RHOBTB3: variants seen among roughly 807,000 people sequenced by gnomAD.
RHOBTB3 encodes rho-related BTB domain-containing protein 3.
Under a neutral mutation model 67.2 loss-of-function variants are expected in RHOBTB3, and 47 were observed. The observed-to-expected ratio is 0.70, with a 90% CI of 0.55 to 0.89. RHOBTB3 has a LOEUF of 0.89. RHOBTB3 is among the 40% of genes least tolerant of loss of function. The probability of loss-of-function intolerance (pLI) is 0.00; values close to 1 mark genes in which losing one functional copy is unlikely to be tolerated. For missense variants in RHOBTB3, 631 were observed against 750.0 expected (o/e 0.84, Z 1.85); for synonymous variants, 273 against 274.2 (o/e 1.00, Z 0.04).
chr5:95,724,149 G>T (rs932334073), intron 1 of RHOBTB3, among the ~76,000 whole-genome samples: 1 of 152,162 alleles, frequency 6.6e-6, no homozygotes, highest in Non-Finnish European at 1.5e-5. Context: ...TATACTTCAT[G>T]ACACAGCAAT....
At chr5:95,743,929 G>T (rs1580400776) in intron 3 of RHOBTB3, among the ~76,000 whole-genome samples, 1 of 151,186 alleles carries the variant, frequency 6.6e-6, no homozygotes, top group Non-Finnish European at 1.5e-5. Flanking sequence ...GGCTGGTCTC[G>T]AACTCCTGAC....
At position 95,748,462 on chromosome 5, in the gene RHOBTB3, A is replaced by G. The variant is rs745767162; in HGVS notation, c.545A>G (p.Tyr182Cys). The change falls in exon 4 of 12, where the codon TAC becomes TGC. Residue 182 changes from tyrosine (Y) to cysteine (C), a missense_variant. Tyr to Cys is a radical substitution (Grantham distance 194). Transcript: ENST00000379982. ...YLELHSLDDF[Y>C]IGKYFGGVLE... is the part of the protein sequence containing the mutation. ...GAACTCCACAGCCTTGATGACTTCT[A>G]CATAGGAAAGTATTTTGGAGGAGTG... The G allele has an allele frequency of 3.1e-6, 5 of 1,611,736 alleles. No homozygotes were observed. The Admixed American group carries it at 6.7e-5, about 22-fold the overall frequency.
At chr5:95,787,805 A>G (rs556569495) in intron 10 of RHOBTB3, among the ~76,000 whole-genome samples, 18 of 152,352 alleles carry the variant, frequency 1.2e-4, no homozygotes, top group African/African-American at 3.8e-4. Flanking sequence ...AGTGAAATTC[A>G]TAGAGACAGA....
intron 8 of RHOBTB3, among the ~76,000 whole-genome samples, chr5:95,773,739 G>A (rs904131539): frequency 2.0e-5 from 3 of 152,232 alleles, no homozygotes; most frequent in Non-Finnish European, 2.9e-5. Flanking sequence ...TAGAAGTTGA[G>A]TGAATTCTTG....
intron 10 of RHOBTB3, among the ~76,000 whole-genome samples, chr5:95,786,926 A>T (rs564900016): frequency 6.6e-6 from 1 of 152,340 alleles, no homozygotes; most frequent in African/African-American, 2.4e-5. Flanking sequence ...CCAGGTCTGT[A>T]CATTAGCTAG....
chr5:95,780,994 C>G (rs998963743), intron 9 of RHOBTB3, among the ~76,000 whole-genome samples: 1 of 152,168 alleles, frequency 6.6e-6, no homozygotes, highest in Non-Finnish European at 1.5e-5. Context: ...GTTTAGAATA[C>G]CCAGTGGACT....
At chr5:95,750,955 C>G (rs1028338010) in intron 4 of RHOBTB3, among the ~76,000 whole-genome samples, 1 of 152,194 alleles carries the variant, frequency 6.6e-6, no homozygotes, top group African/African-American at 2.4e-5. Flanking sequence ...GCCTGCCAGG[C>G]TTTTATGATG....
At chr5:95,721,351 C>T (rs1262211437) in intron 1 of RHOBTB3, among the ~76,000 whole-genome samples, 1 of 152,116 alleles carries the variant, frequency 6.6e-6, no homozygotes, top group Non-Finnish European at 1.5e-5. Context: ...TGGAGAGTGT[C>T]CTTGTCCTAC....
At chr5:95,780,753 G>A (rs997490790) in intron 9 of RHOBTB3, among the ~76,000 whole-genome samples, 1 of 152,152 alleles carries the variant, frequency 6.6e-6, no homozygotes, top group African/African-American at 2.4e-5. Flanking sequence ...TCTAGAGATC[G>A]GGGCAGATTG....
At chr5:95,730,877 A>C (rs1237690495), upstream of RHOBTB3, 5 of 455,856 alleles carry the variant, frequency 1.1e-5, no homozygotes, top group East Asian at 2.8e-4. Context: ...ATGTTGACAA[A>C]TGAGAAAGCG....
chr5:95,780,562 G>A lies in RHOBTB3; in HGVS notation c.1456+137G>A, dbSNP rs1414042980. 4.1e-6 allele frequency: 3 copies of A among 737,948 alleles called. No homozygotes were observed. The African/African-American group carries it at 5.3e-5, about 13-fold the overall frequency. The allele number at this position is 737,948 out of a possible 1,614,324, so 45.7% of individuals were successfully genotyped here. Reference sequence around the variant, plus strand: ...TCACGGAATGTACTAAGCAATTAGAGGTGGTGCTGGAACAACAATGAATTT... The same window carrying A: ...TCACGGAATGTACTAAGCAATTAGAAGTGGTGCTGGAACAACAATGAATTT... On this transcript the variant is annotated intron_variant, in intron 9 of 11. Transcript: ENST00000379982.
In RHOBTB3 at chr5:95,731,852, C is replaced by T. The variant is rs2112767722; in HGVS notation, c.3-7C>T. 1.2e-6 allele frequency: 2 copies of T among 1,608,428 alleles called. No homozygotes were observed. The highest frequency in any genetic ancestry group is 2.2e-5 in the East Asian group (1 of 44,720). ...CCCTTCTCCCCTCGCCCCCTCTGTC[C>T]GTGCAGGTCCATCCACATCGTGGCG... On this transcript the variant is annotated splice_region_variant and splice_polypyrimidine_tract_variant and intron_variant, in intron 1 of 11. Transcript: ENST00000379982.
upstream of RHOBTB3, among the ~76,000 whole-genome samples, chr5:95,727,940 G>A (rs986705122): frequency 6.6e-6 from 1 of 152,186 alleles, no homozygotes; most frequent in Admixed American, 6.5e-5. Context: ...TCAAGGACTG[G>A]TTCCACACTG....
chr5:95,773,052 T>G (rs1324367639), intron 8 of RHOBTB3, among the ~76,000 whole-genome samples: 1 of 152,202 alleles, frequency 6.6e-6, no homozygotes, highest in Non-Finnish European at 1.5e-5. Context: ...ATAGGAGGCA[T>G]TGGTATCAAA....
chr5:95,766,792 C>T (rs1745557397), intron 7 of RHOBTB3, among the ~76,000 whole-genome samples: 1 of 152,100 alleles, frequency 6.6e-6, no homozygotes, highest in Non-Finnish European at 1.5e-5. Flanking sequence ...CCAGGCGCGA[C>T]AGGACAGACG....
chr5:95,779,345 A>G (rs1387710094), intron 8 of RHOBTB3, among the ~76,000 whole-genome samples: 1 of 152,058 alleles, frequency 6.6e-6, no homozygotes, highest in African/African-American at 2.4e-5. Flanking sequence ...TTCCAAATGC[A>G]ATGATTGGCA....
Position 95,748,432 on chromosome 5 carries a change from A to G in RHOBTB3, c.515A>G (p.Tyr172Cys). 3 of 1,613,728 alleles carry G rather than the reference A, an allele frequency of 1.9e-6. No homozygotes were observed. Among genetic ancestry groups the G allele is most frequent in the South Asian group, 2.2e-5 (2 of 91,054 alleles). Residue 172 changes from tyrosine to cysteine, a missense_variant, in exon 4 of 12, where the codon TAT (tyrosine) becomes TGT (cysteine). Transcript: ENST00000379982. ...IQLAKELGATYLELHSLDDFY... is the reference protein window; with the variant it reads ...IQLAKELGATCLELHSLDDFY... ...CTTGCAAAAGAACTAGGAGCGACCT[A>G]TCTTGAACTCCACAGCCTTGATGAC...
intron 8 of RHOBTB3, among the ~76,000 whole-genome samples, chr5:95,776,752 TG>T (rs1745895797): frequency 6.6e-6 from 1 of 152,206 alleles, no homozygotes; most frequent in African/African-American, 2.4e-5. Flanking sequence ...CTGGTTCTTT[TG>T]GTTTTTTGCC....
chr5:95,735,041 T>C (rs1755420120), intron 2 of RHOBTB3, among the ~76,000 whole-genome samples: 1 of 152,236 alleles, frequency 6.6e-6, no homozygotes, highest in African/African-American at 2.4e-5. Flanking sequence ...TTCCTTGTTA[T>C]ACTTACGCAC....
Sources: gnomAD v4.1 joint callset for allele counts (sites outside exome capture counted in the v4.1 genomes callset) on GRCh38, gnomAD v4.1.1 for gene constraint, MANE v1.5 for transcripts, NCBI Gene and HGNC (gene_info 2026-07-23, HGNC 2026-07-21) for gene names.